PLCXD3: variants seen among roughly 807,000 people sequenced by gnomAD.
The protein encoded by PLCXD3 is PI-PLC X domain-containing protein 3.
PLCXD3 carries 19 observed loss-of-function variants against 25.5 expected under a neutral mutation model. The ratio of observed to expected loss-of-function variants is 0.75; its 90% CI spans 0.52 to 1.09. The LOEUF (loss-of-function observed/expected upper bound fraction) is 1.09, where lower values mean the gene tolerates loss of function less well. Among genes scored for constraint, PLCXD3 ranks in the 50% least tolerant of loss-of-function variants. The pLI is 0.00. For synonymous variants in PLCXD3, 174 were observed against 137.6 expected, an observed-to-expected ratio of 1.26 and a Z score of -1.85; for missense variants, 411 against 388.1, an observed-to-expected ratio of 1.06 and a Z score of -0.50.
intron 2 of PLCXD3, among the ~76,000 whole-genome samples, chr5:41,358,252 G>A (rs1744674780): frequency 6.6e-6 from 1 of 152,180 alleles, no homozygotes. Context: ...GTGGTAGTCA[G>A]GACAAGCCCA....
At chr5:41,449,751 T>A (rs1747584719) in intron 1 of PLCXD3, among the ~76,000 whole-genome samples, 1 of 152,110 alleles carries the variant, frequency 6.6e-6, no homozygotes, top group Non-Finnish European at 1.5e-5. Flanking sequence ...CATCTACCAA[T>A]TTCCTGTTAC....
intron 1 of PLCXD3, among the ~76,000 whole-genome samples, chr5:41,400,495 A>G (rs913773032): frequency 4.1e-4 from 62 of 152,180 alleles, no homozygotes; most frequent in Admixed American, 4.1e-3. Flanking sequence ...AGAATGGAGT[A>G]CTATTCAGCC....
chr5:41,379,079 T>C (rs537749999), intron 2 of PLCXD3, among the ~76,000 whole-genome samples: 123 of 152,204 alleles, frequency 8.1e-4, no homozygotes, highest in African/African-American at 2.9e-3. Context: ...GAAGAGGTCA[T>C]AGGAAGACTT....
intron 1 of PLCXD3, among the ~76,000 whole-genome samples, chr5:41,390,948 G>A (rs766479938): frequency 6.6e-6 from 1 of 152,154 alleles, no homozygotes; most frequent in Non-Finnish European, 1.5e-5. Flanking sequence ...ACTCCATGTT[G>A]TCCTGTTACA....
At chr5:41,451,186 C>T (rs1397199065) in intron 1 of PLCXD3, among the ~76,000 whole-genome samples, 1 of 152,076 alleles carries the variant, frequency 6.6e-6, no homozygotes, top group South Asian at 2.1e-4. Context: ...GCTTCATACA[C>T]CTCAACGTAA....
At chr5:41,354,675 T>C (rs922048993) in intron 2 of PLCXD3, among the ~76,000 whole-genome samples, 2 of 152,178 alleles carry the variant, frequency 1.3e-5, no homozygotes, top group African/African-American at 4.8e-5. Flanking sequence ...CCCGTGCTCC[T>C]TTGGGGATGT....
intron 1 of PLCXD3, among the ~76,000 whole-genome samples, chr5:41,432,990 C>T (rs1458167761): frequency 6.6e-6 from 1 of 152,162 alleles, no homozygotes; most frequent in Non-Finnish European, 1.5e-5. Flanking sequence ...AAGAACTTGA[C>T]CTTAATTTCA....
At chr5:41,471,271 T>C (rs1580389483) in intron 1 of PLCXD3, among the ~76,000 whole-genome samples, 1 of 152,292 alleles carries the variant, frequency 6.6e-6, no homozygotes, top group Non-Finnish European at 1.5e-5. Flanking sequence ...GCACTGATAG[T>C]CTTGAATTGC....
At chr5:41,366,127 G>A (rs925599643) in intron 2 of PLCXD3, among the ~76,000 whole-genome samples, 1 of 151,862 alleles carries the variant, frequency 6.6e-6, no homozygotes, top group African/African-American at 2.4e-5. Context: ...GGTGTGTGAT[G>A]TTCCCCACCC....
At chr5:41,452,680 G>C (rs1747662752) in intron 1 of PLCXD3, among the ~76,000 whole-genome samples, 2 of 152,144 alleles carry the variant, frequency 1.3e-5, no homozygotes, top group South Asian at 4.1e-4. Context: ...TCTACTTCAA[G>C]GTCAGTGTGG....
intron 1 of PLCXD3, among the ~76,000 whole-genome samples, chr5:41,415,485 C>G (rs1228191736): frequency 6.6e-6 from 1 of 152,180 alleles, no homozygotes; most frequent in African/African-American, 2.4e-5. Flanking sequence ...TAAGAAATGA[C>G]TCTCTTGTGT....
intron 2 of PLCXD3, among the ~76,000 whole-genome samples, chr5:41,319,021 T>C (rs879749047): frequency 1.3e-4 from 20 of 152,122 alleles, no homozygotes; most frequent in Non-Finnish European, 2.4e-4. Flanking sequence ...AGACAAATAA[T>C]GTCACTGTGC....
At chr5:41,509,879 T>C (rs533254506) in intron 1 of PLCXD3, among the ~76,000 whole-genome samples, 1 of 152,292 alleles carries the variant, frequency 6.6e-6, no homozygotes, top group African/African-American at 2.4e-5. Flanking sequence ...CCGCCTCTGG[T>C]CCCTGAACTT....
intron 1 of PLCXD3, among the ~76,000 whole-genome samples, chr5:41,501,284 A>G (rs576723055): frequency 3.3e-5 from 5 of 152,168 alleles, no homozygotes; most frequent in African/African-American, 1.2e-4. Flanking sequence ...TATCGTTCAC[A>G]ATCAAAATGT....
chr5:41,364,371 G>T (rs1744877378), intron 2 of PLCXD3, among the ~76,000 whole-genome samples: 1 of 152,170 alleles, frequency 6.6e-6, no homozygotes, highest in South Asian at 2.1e-4. Context: ...AAGCAAAAGT[G>T]AGTGCATGTA....
At chr5:41,401,165 C>T (rs958555147) in intron 1 of PLCXD3, among the ~76,000 whole-genome samples, 6 of 151,904 alleles carry the variant, frequency 3.9e-5, no homozygotes, top group African/African-American at 1.4e-4. Flanking sequence ...GTGTGACTTT[C>T]TTCCATGTAC....
At chr5:41,444,599 C>A (rs1747454625) in intron 1 of PLCXD3, among the ~76,000 whole-genome samples, 1 of 152,138 alleles carries the variant, frequency 6.6e-6, no homozygotes, top group African/African-American at 2.4e-5. Context: ...AGCTGCAATA[C>A]ATGCTGGAAA....
intron 1 of PLCXD3, among the ~76,000 whole-genome samples, chr5:41,452,031 T>G (rs117395807): frequency 6.6e-6 from 1 of 151,998 alleles, no homozygotes; most frequent in Non-Finnish European, 1.5e-5. Flanking sequence ...ATTGCTTTCC[T>G]TACTGAAATA....
chr5:41,472,801 C>A (rs796972336), intron 1 of PLCXD3, among the ~76,000 whole-genome samples: 101 of 152,124 alleles, frequency 6.6e-4, no homozygotes, highest in African/African-American at 2.3e-3. Context: ...ATTAGTTGAC[C>A]AACGAAAGAA....
Sources: allele counts gnomAD v4.1 joint callset (sites outside exome capture counted in the v4.1 genomes callset), GRCh38; gene constraint gnomAD v4.1.1; transcripts MANE v1.5; gene names NCBI Gene and HGNC (gene_info 2026-07-23, HGNC 2026-07-21).